Variants in RBFOX1 observed in about 807,000 individuals in gnomAD.
The protein encoded by RBFOX1 is RNA binding fox-1 homolog 1.
RBFOX1 carries 8 observed loss-of-function variants against 57.7 expected under a neutral mutation model. That is an observed-to-expected ratio of 0.14 (90% CI 0.08 to 0.25). The LOEUF (loss-of-function observed/expected upper bound fraction) is 0.25. Among genes scored for constraint, RBFOX1 ranks in the 10% least tolerant of loss-of-function variants. The probability of loss-of-function intolerance (pLI) is 1.00; values close to 1 mark genes in which losing one functional copy is unlikely to be tolerated. For missense variants in RBFOX1, 611 were observed against 548.5 expected (o/e 1.11, Z -1.14); for synonymous variants, 326 against 222.4 (o/e 1.47, Z -4.15).
rs186533022 is a variant in RBFOX1 at position 6,394,481 on chromosome 16, C to T, written c.-64+77424C>T. 3.7e-4 allele frequency among the ~76,000 whole-genome samples: 55 copies of T among 148,900 alleles called. No individual in the cohort carries two copies. In the South Asian group the frequency reaches 4.6e-3, roughly 12 times the overall value. On this transcript the variant is annotated intron_variant, in intron 2 of 15. Transcript: ENST00000550418. The stretch of plus-strand genomic sequence containing the variant: ...TTCTTGCAAAGAACCTTAAATTTAC[C>T]CCCCAGAATAGCAGTGGGAAAATTG...
At chr16:6,555,920 G>C (rs187185504) in intron 2 of RBFOX1, among the ~76,000 whole-genome samples, 1 of 152,148 alleles carries the variant, frequency 6.6e-6, no homozygotes, top group Admixed American at 6.5e-5. Context: ...GGGGATCATA[G>C]GCATTCGGAA....
In RBFOX1 at chr16:7,040,856, G is replaced by A. The variant is rs1312958873; in HGVS notation, c.-15-11201G>A. Among the ~76,000 whole-genome samples the A allele has an allele frequency of 2.6e-5, 4 of 152,244 alleles. No individual in the cohort carries two copies. In the East Asian group the frequency reaches 7.7e-4, roughly 29 times the overall value. On this transcript the variant is annotated intron_variant, in intron 3 of 15. Transcript: ENST00000550418. The stretch of plus-strand genomic sequence containing the variant: ...TGGCAAATTGTGGCCATGGGCCAAA[G>A]ACAGCTCACTGCGTGATTCTGTAAA...
intron 11 of RBFOX1, among the ~76,000 whole-genome samples, chr16:7,651,024 C>T (rs1021771792): frequency 2.0e-5 from 3 of 151,638 alleles, no homozygotes; most frequent in Non-Finnish European, 4.4e-5. Context: ...TAGGAGCTGG[C>T]AAAAAAAGTT....
At chr16:6,215,631 A>T (rs1257445095) in intron 1 of RBFOX1, among the ~76,000 whole-genome samples, 1 of 151,936 alleles carries the variant, frequency 6.6e-6, no homozygotes, top group African/African-American at 2.4e-5. Context: ...TCCTCCATTA[A>T]CCTTGTCTTT....
intron 4 of RBFOX1, among the ~76,000 whole-genome samples, chr16:7,510,863 A>G (rs1241224206): frequency 6.6e-6 from 1 of 152,168 alleles, no homozygotes; most frequent in East Asian, 1.9e-4. Context: ...CTGTGTGGGC[A>G]TATGTGATCA....
chr16:6,407,215 A>G (rs1019114982), intron 2 of RBFOX1, among the ~76,000 whole-genome samples: 1 of 152,112 alleles, frequency 6.6e-6, no homozygotes, highest in African/African-American at 2.4e-5. Flanking sequence ...ATATTTATAT[A>G]CCTACATCCT....
rs560998222 is a variant in RBFOX1, at chr16:6,973,184, T to C, written c.-15-78873T>C. Among the ~76,000 whole-genome samples the C allele has an allele frequency of 2.8e-5, 4 of 142,234 alleles. No individual in the cohort carries two copies. The East Asian group carries it at 8.6e-4, about 31-fold the overall frequency. 93.3% of individuals were successfully genotyped at this position (142,234 alleles called of 152,430 possible). On this transcript the variant is annotated intron_variant, in intron 3 of 15. Transcript: ENST00000550418. ...GACAAGGCCATCAGCTTTGAGAGAGTGTGTGTGTGGTGGTGGGGGGCGGGG... is the reference window on the plus strand; with the variant it reads ...GACAAGGCCATCAGCTTTGAGAGAGCGTGTGTGTGGTGGTGGGGGGCGGGG...
chr16:7,465,126 A>C (rs2060269200), intron 4 of RBFOX1, among the ~76,000 whole-genome samples: 1 of 152,018 alleles, frequency 6.6e-6, no homozygotes, highest in South Asian at 2.1e-4. Flanking sequence ...GTTATTTTCT[A>C]CGTCAGGGGC....
intron 4 of RBFOX1, among the ~76,000 whole-genome samples, chr16:5,876,084 C>A (rs537951207): frequency 6.6e-6 from 1 of 152,102 alleles, no homozygotes; most frequent in Non-Finnish European, 1.5e-5. Flanking sequence ...ACCTCGTGAT[C>A]CACCCGCCTT....
rs930197272 is a variant in RBFOX1, at chr16:5,759,007, T to A, written c.319-108296T>A. On this transcript the variant is annotated intron_variant, in intron 3 of 19. Transcript: ENST00000641259. Reference sequence around the variant, plus strand: ...CCATTTGCAGTTAAACCATGGTGAGTTTCACGACTTTGAGCAAATTCATGA... The same window carrying A: ...CCATTTGCAGTTAAACCATGGTGAGATTCACGACTTTGAGCAAATTCATGA... Among the ~76,000 whole-genome samples the A allele has an allele frequency of 1.3e-4, 20 of 151,918 alleles. 1 individual carries two copies. Among genetic ancestry groups the A allele is most frequent in the Admixed American group, 1.1e-3 (17 of 15,258 alleles).
chr16:6,204,799 G>T (rs1400247261), intron 1 of RBFOX1, among the ~76,000 whole-genome samples: 1 of 152,048 alleles, frequency 6.6e-6, no homozygotes, highest in African/African-American at 2.4e-5. Context: ...TCAGCACGTT[G>T]TGTGTGTGTG....
At chr16:6,570,745 G>C (rs756631459) in intron 2 of RBFOX1, among the ~76,000 whole-genome samples, 27 of 152,120 alleles carry the variant, frequency 1.8e-4, no homozygotes, top group Non-Finnish European at 4.0e-4. Flanking sequence ...CAGAATTTAT[G>C]TGCCATGTGG....
intron 3 of RBFOX1, among the ~76,000 whole-genome samples, chr16:6,835,857 C>G (rs1011131514): frequency 3.3e-5 from 5 of 151,678 alleles, no homozygotes; most frequent in Non-Finnish European, 7.4e-5. Flanking sequence ...TACAGGGACC[C>G]AGGCTCCTTC....
chr16:6,262,971 C>G (rs28380023), intron 1 of RBFOX1, among the ~76,000 whole-genome samples: 2,893 of 152,174 alleles, frequency 0.019, 65 homozygotes, highest in African/African-American at 0.057. Context: ...GTGGAGTAGA[C>G]AGGGAAGGCC....
intron 4 of RBFOX1, among the ~76,000 whole-genome samples, chr16:7,259,651 C>G (rs1326633357): frequency 1.3e-5 from 2 of 152,034 alleles, no homozygotes; most frequent in African/African-American, 2.4e-5. Context: ...AAGCCTATAG[C>G]TTTTGAAATT....
At chr16:7,415,900 G>A (rs572990277) in intron 4 of RBFOX1, among the ~76,000 whole-genome samples, 1 of 152,220 alleles carries the variant, frequency 6.6e-6, no homozygotes, top group African/African-American at 2.4e-5. Context: ...ATAACTTTGG[G>A]CCCAGTTACG....
chr16:7,142,091 A>G (rs948714546), intron 4 of RBFOX1, among the ~76,000 whole-genome samples: 1 of 151,860 alleles, frequency 6.6e-6, no homozygotes, highest in African/African-American at 2.4e-5. Flanking sequence ...TGGTGTGATC[A>G]TAGCTCAGTG....
chr16:5,635,113 A>T (rs1248446284), intron 3 of RBFOX1, among the ~76,000 whole-genome samples: 1 of 152,130 alleles, frequency 6.6e-6, no homozygotes, highest in Non-Finnish European at 1.5e-5. Flanking sequence ...GTATCACTGA[A>T]CTACACTGCT....
At chr16:6,859,319 T>C (rs1012170202) in intron 3 of RBFOX1, among the ~76,000 whole-genome samples, 11 of 151,274 alleles carry the variant, frequency 7.3e-5, no homozygotes, top group African/African-American at 1.5e-4. Flanking sequence ...ATATCTATTA[T>C]ATTTTTATAA....
Sources: gnomAD v4.1 joint callset for allele counts (sites outside exome capture counted in the v4.1 genomes callset) on GRCh38, gnomAD v4.1.1 for gene constraint, MANE v1.5 for transcripts, NCBI Gene and HGNC (gene_info 2026-07-23, HGNC 2026-07-21) for gene names.